NPHP4: variants seen among roughly 807,000 people sequenced by gnomAD.
NPHP4 encodes nephrocystin-4.
A neutral mutation model predicts 155.8 loss-of-function variants in NPHP4; 151 were observed. That is an observed-to-expected ratio of 0.97 (90% CI 0.85 to 1.11). NPHP4 has a LOEUF of 1.11. Among genes scored for constraint, NPHP4 ranks in the 50% least tolerant of loss-of-function variants. NPHP4 has a pLI of 0.00. For synonymous variants in NPHP4, 845 were observed against 816.8 expected, an observed-to-expected ratio of 1.03 and a Z score of -0.59; for missense variants, 1,956 against 1,925.7, an observed-to-expected ratio of 1.02 and a Z score of -0.29.
chr1:5,982,798 T>A (rs1442887987), intron 2 of NPHP4, among the ~76,000 whole-genome samples: 1 of 152,236 alleles, frequency 6.6e-6, no homozygotes, highest in African/African-American at 2.4e-5. Flanking sequence ...TCTTCTTTGA[T>A]CCAGTATGTT....
intron 20 of NPHP4, 189 bp downstream of exon 20, chr1:5,876,904 A>G: frequency 2.3e-6 from 1 of 428,920 alleles, no homozygotes; most frequent in Non-Finnish European, 4.1e-6. Context: ...GCTTTTATTA[A>G]AAGCTCTCCA....
intron 2 of NPHP4, among the ~76,000 whole-genome samples, chr1:5,981,773 T>C (rs1654746588): frequency 1.3e-5 from 2 of 152,264 alleles, no homozygotes; most frequent in African/African-American, 4.8e-5. Context: ...CAACGTTGCA[T>C]TCCTGCAGTA....
At position 5,952,737 on chromosome 1, in the gene NPHP4, T is replaced by A. The variant is rs1335343355; in HGVS notation, c.773A>T (p.Glu258Val). Residue 258 changes from glutamate (E) to valine (V), a missense_variant, in exon 7 of 30, where the codon GAG (glutamate) becomes GTG (valine). Coordinates refer to ENST00000378156, the MANE Select transcript of NPHP4 (RefSeq NM_015102.5). ...LYPSLEKFEE[E>V]LLELHVQDHF... ...GTCCTGGACGTGGAGCTCCAGCAGCTCTTCCTCAAACTTCTCCAGGGAGGG... is the reference window on the plus strand; with the variant it reads ...GTCCTGGACGTGGAGCTCCAGCAGCACTTCCTCAAACTTCTCCAGGGAGGG... 6.4e-7 allele frequency: 1 copy of A among 1,562,028 alleles called. No individual in the cohort carries two copies. The highest frequency in any genetic ancestry group is 1.4e-5 in the African/African-American group (1 of 73,380).
At chr1:5,940,069 T>C (rs2062784) in intron 9 of NPHP4, among the ~76,000 whole-genome samples, 23,119 of 152,060 alleles carry the variant, frequency 0.15, 1,957 homozygotes, top group Non-Finnish European at 0.2. Flanking sequence ...CTACCGCTCA[T>C]CAAAAGATAG....
In NPHP4 at chr1:5,899,043, G is replaced by C. The variant is rs554775517; in HGVS notation, c.2143+5574C>G. ...AACCAGCGATCACCACGTGACTGGC[G>C]AGGACATGGCGCTGTCTGGGCTGCC... is the stretch of plus-strand genomic sequence containing the variant. On this transcript the variant is annotated intron_variant, in intron 16 of 29. Coordinates refer to ENST00000378156, the MANE Select transcript of NPHP4 (RefSeq NM_015102.5). Among the ~76,000 whole-genome samples the C allele has an allele frequency of 1.8e-4, 27 of 152,300 alleles. 1 individual carries two copies. The South Asian group carries it at 1.9e-3, about 11-fold the overall frequency.
At chr1:5,948,718 G>A (rs189478920) in intron 7 of NPHP4, among the ~76,000 whole-genome samples, 175 of 152,234 alleles carry the variant, frequency 1.1e-3, no homozygotes, top group Non-Finnish European at 1.9e-3. Flanking sequence ...GGTGCTCAGA[G>A]GCAGAGCTCA....
chr1:5,991,144 T>A (rs1039985722), intron 1 of NPHP4, among the ~76,000 whole-genome samples: 4 of 152,076 alleles, frequency 2.6e-5, no homozygotes, highest in African/African-American at 9.7e-5. Flanking sequence ...GAGACCCAGA[T>A]GCCTTGGGGA....
intron 11 of NPHP4, among the ~76,000 whole-genome samples, chr1:5,912,938 TAAG>T (rs913039195): frequency 6.6e-5 from 10 of 152,108 alleles, no homozygotes; most frequent in East Asian, 1.9e-4. Flanking sequence ...AACCTGGCGT[TAAG>T]AAGAAGAGCA....
chr1:5,870,916 C>T (rs902865679), intron 23 of NPHP4, among the ~76,000 whole-genome samples: 33 of 152,308 alleles, frequency 2.2e-4, no homozygotes, highest in African/African-American at 7.9e-4. Context: ...GGCCACTGGA[C>T]GGGCCATCTA....
chr1:5,891,389 C>T (rs1644119272), intron 16 of NPHP4, among the ~76,000 whole-genome samples: 1 of 152,214 alleles, frequency 6.6e-6, no homozygotes, highest in African/African-American at 2.4e-5. Flanking sequence ...TCTACATCTG[C>T]TGTCAAAACT....
chr1:5,916,709 A>C (rs528969046), intron 11 of NPHP4, among the ~76,000 whole-genome samples: 4 of 152,222 alleles, frequency 2.6e-5, no homozygotes, highest in African/African-American at 9.6e-5. Context: ...ACAGCTCTGC[A>C]TCTTAAGAAG....
intron 9 of NPHP4, among the ~76,000 whole-genome samples, chr1:5,941,185 C>A (rs1229290657): frequency 2.0e-5 from 3 of 148,612 alleles, no homozygotes; most frequent in African/African-American, 7.5e-5. Flanking sequence ...CATTAAGTCA[C>A]CATGGCAAAG....
chr1:5,932,844 C>CA (rs1646346337), intron 10 of NPHP4, among the ~76,000 whole-genome samples: 3 of 152,146 alleles, frequency 2.0e-5, no homozygotes, highest in Admixed American at 6.5e-5. Flanking sequence ...GCCCAAGCTC[C>CA]AATGCTCCAA....
chr1:5,927,054 A>G (rs1179192934), intron 11 of NPHP4, among the ~76,000 whole-genome samples: 1 of 152,234 alleles, frequency 6.6e-6, no homozygotes, highest in Non-Finnish European at 1.5e-5. Context: ...GTCTAAACCA[A>G]GAGGCTCTGA....
intron 12 of NPHP4, 90 bp from the exon 13 acceptor site, chr1:5,907,312 G>A (rs1040863909): frequency 6.2e-6 from 5 of 801,218 alleles, no homozygotes; most frequent in East Asian, 6.0e-5. Flanking sequence ...ACCGGGGAAC[G>A]GGGTAGCCCT....
intron 2 of NPHP4, among the ~76,000 whole-genome samples, chr1:5,980,885 T>C (rs1433781778): frequency 1.3e-5 from 2 of 151,758 alleles, no homozygotes; most frequent in African/African-American, 4.9e-5. Flanking sequence ...ATTACCACGC[T>C]ACCTCCCTGT....
At chr1:5,895,554 T>C (rs1231319098) in intron 16 of NPHP4, among the ~76,000 whole-genome samples, 1 of 152,066 alleles carries the variant, frequency 6.6e-6, no homozygotes, top group Non-Finnish European at 1.5e-5. Context: ...GGACTTCACA[T>C]CTATGGGACT....
In NPHP4 at chr1:5,933,279, G is replaced by A. The variant is rs548306539; in HGVS notation, c.1170C>T (p.Arg390=). ...LSNLACMHMV[R]WAVWNPLLEA... is the part of the protein sequence containing the mutation. ...CCAGCAAGGGGTTCCAAACAGCCCA[G>A]CGGACCATGTGCATGCATGCCAGGT... Residue 390 remains arginine (R), a synonymous_variant, in exon 10 of 30, where the codon CGC becomes CGT. Transcript: ENST00000378156. 3.1e-6 allele frequency: 5 copies of A among 1,613,744 alleles called. No homozygotes were observed. Among genetic ancestry groups the A allele is most frequent in the African/African-American group, 2.7e-5 (2 of 75,060 alleles).
At chr1:5,871,543 A>G (rs897946212) in intron 23 of NPHP4, among the ~76,000 whole-genome samples, 1 of 152,262 alleles carries the variant, frequency 6.6e-6, no homozygotes, top group Non-Finnish European at 1.5e-5. Context: ...GTTTGTAGAA[A>G]GATCACAGGA....
Sources: allele counts gnomAD v4.1 joint callset (sites outside exome capture counted in the v4.1 genomes callset), GRCh38; gene constraint gnomAD v4.1.1; transcripts MANE v1.5; gene names NCBI Gene and HGNC (gene_info 2026-07-23, HGNC 2026-07-21).